The following CEP78 variants were observed in gnomAD, a reference collection of about 807,000 sequenced individuals.
CEP78 encodes centrosomal protein 78, also known as centrosomal protein of 78 kDa.
CEP78 carries 76 observed loss-of-function variants against 81.2 expected under a neutral mutation model. The observed-to-expected ratio is 0.94, with a 90% confidence interval of 0.78 to 1.13. The LOEUF (loss-of-function observed/expected upper bound fraction) is 1.13. Ranked by LOEUF, CEP78 falls within the 50% of genes most tolerant of loss-of-function variation. The pLI is 0.00. For missense variants in CEP78, 918 were observed against 846.8 expected (o/e 1.08, Z -1.04); for synonymous variants, 293 against 301.4 (o/e 0.97, Z 0.29).
intron 11 of CEP78, among the ~76,000 whole-genome samples, chr9:78,257,629 A>G (rs2118379876): frequency 6.6e-6 from 1 of 152,228 alleles, no homozygotes; most frequent in Admixed American, 6.5e-5. Flanking sequence ...AAAAGAGGGA[A>G]GGAGGGAATC....
At chr9:78,265,334 T>A in intron 13 of CEP78, 38 bp from the exon 14 acceptor site, 1 of 1,519,210 alleles carries the variant, frequency 6.6e-7, no homozygotes, top group Non-Finnish European at 8.8e-7. Flanking sequence ...GTGCTTCTAG[T>A]AATCCTTGCC....
intron 11 of CEP78, among the ~76,000 whole-genome samples, chr9:78,258,325 G>A (rs1320804446): frequency 6.6e-6 from 1 of 152,076 alleles, no homozygotes; most frequent in Non-Finnish European, 1.5e-5. Flanking sequence ...AAACAGCTCT[G>A]CATATAGAAC....
chr9:78,237,520 C>G lies in CEP78; in HGVS notation c.253+917C>G, dbSNP rs548476344. On this transcript the variant is annotated intron_variant, in intron 1 of 16. Transcript: ENST00000643273. ...AGGTAACAGGAAGGAACAGTTTGTG[C>G]AAAAGTTTTGGAAATAGGAGAGAGT... Among the ~76,000 whole-genome samples, 21 of 152,156 alleles carry G rather than the reference C, an allele frequency of 1.4e-4. 1 individual carries two copies. Among genetic ancestry groups the G allele is most frequent in the Admixed American group, 1.1e-3 (17 of 15,280 alleles).
chr9:78,243,751 A>C (rs541155446), intron 5 of CEP78, 115 bp downstream of exon 5: 1 of 717,368 alleles, frequency 1.4e-6, no homozygotes, highest in Non-Finnish European at 2.1e-6. Flanking sequence ...CTTTTTTCTA[A>C]TAGGTTTTAT....
chr9:78,267,830 A>G (rs1181157875), intron 16 of CEP78, among the ~76,000 whole-genome samples: 4 of 152,168 alleles, frequency 2.6e-5, no homozygotes, highest in Admixed American at 6.5e-5. Context: ...TAAAATATGC[A>G]TAGATAAGTC....
chr9:78,277,136 T>G lies in CEP78; in HGVS notation c.*6285T>G, dbSNP rs1398932414. On this transcript the variant is annotated 3_prime_UTR_variant, in exon 17 of 17. Transcript: ENST00000643273. ...TGTTGAGGTTATTTACTACTTTTTC[T>G]TATTTCATATCATGGATGAAAAAAA... The G allele has an allele frequency of 6.6e-6, 1 of 152,066 alleles. No homozygotes were observed. Among genetic ancestry groups the G allele is most frequent in the Non-Finnish European group, 1.5e-5 (1 of 68,004 alleles). 9.4% of individuals were successfully genotyped at this position (152,066 alleles called of 1,614,324 possible). A position where few individuals can be genotyped will look rare whatever the true frequency, so the allele number is the denominator to read the frequency against.
rs1307955130 is a variant in CEP78 at position 78,276,889 on chromosome 9, G to A, written c.*6038G>A. On this transcript the variant is annotated 3_prime_UTR_variant, in exon 17 of 17. Transcript: ENST00000643273. ...CCACAGTAAAGCTTTTTAAATGGAT[G>A]TAATAACCTGATTATAACATTAATC... is the stretch of plus-strand genomic sequence containing the variant. 2 of 152,086 alleles carry A rather than the reference G, an allele frequency of 1.3e-5. No individual in the cohort carries two copies. The highest frequency in any genetic ancestry group is 2.9e-5 in the Non-Finnish European group (2 of 68,004). 9.4% of individuals were successfully genotyped at this position (152,086 alleles called of 1,614,324 possible).
chr9:78,246,357 T>C (rs1037731095), intron 5 of CEP78, among the ~76,000 whole-genome samples: 4 of 152,132 alleles, frequency 2.6e-5, no homozygotes, highest in African/African-American at 9.7e-5. Flanking sequence ...CCCAGCACTT[T>C]GGGAGGCCGA....
chr9:78,279,457 C>A lies in CEP78; in HGVS notation c.*8606C>A, dbSNP rs946892874. The A allele has an allele frequency of 6.6e-6, 1 of 152,080 alleles. No individual in the cohort carries two copies. Among genetic ancestry groups the A allele is most frequent in the East Asian group, 1.9e-4 (1 of 5,180 alleles). 9.4% of individuals were successfully genotyped at this position (152,080 alleles called of 1,614,324 possible). A position where few individuals can be genotyped will look rare whatever the true frequency, so the allele number is the denominator to read the frequency against. On this transcript the variant is annotated 3_prime_UTR_variant, in exon 17 of 17. Coordinates refer to ENST00000643273, the MANE Select transcript of CEP78 (RefSeq NM_001330691.3). ...CTTTTGTATATTATTCCAAATATTG[C>A]AAACCTACAAGGAGTAAAAGGTGTT...
chr9:78,268,601 A>G (rs1827620540), intron 16 of CEP78, among the ~76,000 whole-genome samples: 1 of 152,072 alleles, frequency 6.6e-6, no homozygotes, highest in Non-Finnish European at 1.5e-5. Flanking sequence ...TTATCCTCCC[A>G]ATTCCTCTCC....
At chr9:78,269,185 A>G (rs1367000492) in intron 16 of CEP78, among the ~76,000 whole-genome samples, 1 of 152,164 alleles carries the variant, frequency 6.6e-6, no homozygotes, top group Non-Finnish European at 1.5e-5. Context: ...GGAGGGAGTA[A>G]GTTTTAATCT....
intron 11 of CEP78, among the ~76,000 whole-genome samples, chr9:78,260,074 C>A (rs1036604800): frequency 6.6e-6 from 1 of 152,138 alleles, no homozygotes; most frequent in Non-Finnish European, 1.5e-5. Flanking sequence ...ATATCTTGCA[C>A]TTTAAGTGGG....
intron 1 of CEP78, among the ~76,000 whole-genome samples, chr9:78,237,131 C>A (rs1371322726): frequency 2.0e-5 from 3 of 151,676 alleles, no homozygotes; most frequent in Non-Finnish European, 4.4e-5. Context: ...CAGGCGCGCG[C>A]CACCATGCCC....
In CEP78 at chr9:78,275,214, CTG is replaced by C. The variant is rs1354635648; in HGVS notation, c.*4365_*4366del. ...ATTTGAAAGACTAGATGAAATGTGA[CTG>C]TTTAAAAATATGGATTGTAAAAATT... is the stretch of plus-strand genomic sequence containing the variant. On this transcript the variant is annotated 3_prime_UTR_variant, in exon 17 of 17. Transcript: ENST00000643273. 7.2e-5 allele frequency: 11 copies of C among 152,196 alleles called. No homozygotes were observed. Among genetic ancestry groups the C allele is most frequent in the East Asian group, 1.9e-4 (1 of 5,178 alleles). 9.4% of individuals were successfully genotyped at this position (152,196 alleles called of 1,614,324 possible). A position where few individuals can be genotyped will look rare whatever the true frequency, so the allele number is the denominator to read the frequency against.
Position 78,236,348 on chromosome 9 carries a change from G to C in CEP78, c.-3G>C. The C allele has an allele frequency of 1.3e-6, 2 of 1,568,226 alleles. No individual in the cohort carries two copies. Among genetic ancestry groups the C allele is most frequent in the Non-Finnish European group, 1.7e-6 (2 of 1,161,876 alleles). ...GGGCATCCCCCGAGGCCGCCCTCGG[G>C]CCATGATCGACTCCGTGAAGCTGCG... On this transcript the variant is annotated 5_prime_UTR_variant, in exon 1 of 17. Transcript: ENST00000643273.
At position 78,240,277 on chromosome 9, in the gene CEP78, T is replaced by G. The variant is rs749357949; in HGVS notation, c.427-15T>G. On this transcript the variant is annotated splice_polypyrimidine_tract_variant and intron_variant, in intron 2 of 16. Coordinates refer to ENST00000643273, the MANE Select transcript of CEP78 (RefSeq NM_001330691.3). ...AAACCTCAATAACATTTTTAACTTT[T>G]CCCCCTCATTAAAGGGATTGAATAA... 1.9e-6 allele frequency: 3 copies of G among 1,607,274 alleles called. No homozygotes were observed. In the South Asian group the frequency reaches 3.3e-5, roughly 18 times the overall value.
In CEP78 at chr9:78,276,145, G is replaced by A. The variant is rs1227493594; in HGVS notation, c.*5294G>A. 1 of 152,170 alleles carries A rather than the reference G, an allele frequency of 6.6e-6. No individual in the cohort carries two copies. Among genetic ancestry groups the A allele is most frequent in the Non-Finnish European group, 1.5e-5 (1 of 68,024 alleles). The allele number at this position is 152,170 out of a possible 1,614,324, so 9.4% of individuals were successfully genotyped here. On this transcript the variant is annotated 3_prime_UTR_variant, in exon 17 of 17. Transcript: ENST00000643273. ...CAAAAAATCCAAAATAAAACTAGCA[G>A]TTTGAATTCAGCATTGTAGCAAAAG...
chr9:78,266,805 A>C, intron 16 of CEP78, 102 bp downstream of exon 16: 1 of 1,513,860 alleles, frequency 6.6e-7, no homozygotes, highest in Non-Finnish European at 8.8e-7. Flanking sequence ...AACTAGGGAA[A>C]CTAGTTCTTT....
chr9:78,252,916 A>G lies in CEP78; in HGVS notation c.1206-316A>G, dbSNP rs527706141. On this transcript the variant is annotated intron_variant, in intron 9 of 16. Transcript: ENST00000643273. The stretch of plus-strand genomic sequence containing the variant: ...TCTTCTTGAGATACTTACTAATTTC[A>G]AGTCCCATCTTGGTCACAAGGAGTT... 2.0e-5 allele frequency among the ~76,000 whole-genome samples: 3 copies of G among 152,310 alleles called. No individual in the cohort carries two copies. The East Asian group carries it at 5.8e-4, about 29-fold the overall frequency.
Sources: allele counts gnomAD v4.1 joint callset (sites outside exome capture counted in the v4.1 genomes callset), GRCh38; gene constraint gnomAD v4.1.1; transcripts MANE v1.5; gene names NCBI Gene and HGNC (gene_info 2026-07-23, HGNC 2026-07-21).